NRG1: variants seen among roughly 807,000 people sequenced by gnomAD.
NRG1 encodes the protein pro-neuregulin-1, membrane-bound isoform.
NRG1 carries 18 observed loss-of-function variants against 63.8 expected under a neutral mutation model. The ratio of observed to expected loss-of-function variants is 0.28; its 90% CI spans 0.19 to 0.42. The LOEUF is 0.42. Among genes scored for constraint, NRG1 ranks in the 10% least tolerant of loss-of-function variants. NRG1 has a pLI of 1.00. For synonymous variants in NRG1, 302 were observed against 301.3 expected, an observed-to-expected ratio of 1.00 and a Z score of -0.02; for missense variants, 762 against 814.7, an observed-to-expected ratio of 0.94 and a Z score of 0.79.
intron 1 of NRG1, among the ~76,000 whole-genome samples, chr8:31,742,895 G>A (rs781352333): frequency 6.6e-6 from 1 of 151,980 alleles, no homozygotes; most frequent in Non-Finnish European, 1.5e-5. Context: ...AATGGCATAG[G>A]CCCGCTAACT....
chr8:31,853,396 G>T (rs1423193224), intron 1 of NRG1, among the ~76,000 whole-genome samples: 3 of 150,248 alleles, frequency 2.0e-5, no homozygotes, highest in African/African-American at 7.3e-5. Context: ...GTTCACTCAT[G>T]ATTTGGCTCT....
chr8:32,110,560 T>C lies in NRG1; in HGVS notation c.37+471129T>C, dbSNP rs80126751. On this transcript the variant is annotated intron_variant, in intron 1 of 10. Coordinates refer to the NRG1 transcript ENST00000519301. ...AAGGTGAGAATCTCTCCTTTCTTTT[T>C]CTAATGATGACCCTGAACAAGGCCG... 2.6e-3 allele frequency among the ~76,000 whole-genome samples: 399 copies of C among 152,296 alleles called. 2 individuals are homozygous for C. The highest frequency in any genetic ancestry group is 9.1e-3 in the African/African-American group (379 of 41,562).
At chr8:31,865,890 G>A (rs777676820) in intron 1 of NRG1, among the ~76,000 whole-genome samples, 4 of 152,150 alleles carry the variant, frequency 2.6e-5, no homozygotes, top group South Asian at 2.1e-4. Flanking sequence ...TATATATGTC[G>A]GGAAAAGAAA....
rs1294198048 is a variant in NRG1, at chr8:32,128,638, G to A, written c.38-467190G>A. The stretch of plus-strand genomic sequence containing the variant: ...CTTTCCCAAGGTGCAGGCTGCCCAT[G>A]TTTAGTCTTTCTCACTTTCCAATCC... On this transcript the variant is annotated intron_variant, in intron 1 of 10. Coordinates refer to the NRG1 transcript ENST00000519301. Among the ~76,000 whole-genome samples the A allele has an allele frequency of 3.9e-5, 6 of 152,020 alleles. No homozygotes were observed. The East Asian group carries it at 1.2e-3, about 30-fold the overall frequency.
chr8:32,686,010 A>T (rs565181657), intron 5 of NRG1, among the ~76,000 whole-genome samples: 1 of 152,344 alleles, frequency 6.6e-6, no homozygotes, highest in East Asian at 1.9e-4. Context: ...TCCAGAAAAG[A>T]TTTATTATAA....
chr8:32,176,417 A>G (rs1314151494), intron 1 of NRG1, among the ~76,000 whole-genome samples: 3 of 152,132 alleles, frequency 2.0e-5, no homozygotes, highest in African/African-American at 4.8e-5. Context: ...ATAGGCATGG[A>G]CAAGGACTTC....
At chr8:31,648,983 G>T (rs1804581527) in intron 1 of NRG1, among the ~76,000 whole-genome samples, 1 of 146,016 alleles carries the variant, frequency 6.8e-6, no homozygotes, top group Non-Finnish European at 1.5e-5. Flanking sequence ...TTTTGAGATG[G>T]CATCTCACTG....
intron 1 of NRG1, among the ~76,000 whole-genome samples, chr8:32,574,629 T>C (rs1189602827): frequency 1.3e-5 from 2 of 152,168 alleles, no homozygotes; most frequent in Non-Finnish European, 2.9e-5. Flanking sequence ...TCGCTCCTGC[T>C]TTCACCATGT....
In NRG1 at chr8:32,277,039, G is replaced by A. The variant is rs371670569; in HGVS notation, c.38-318789G>A. On this transcript the variant is annotated intron_variant, in intron 1 of 10. Coordinates refer to the NRG1 transcript ENST00000519301. The stretch of plus-strand genomic sequence containing the variant: ...TTGGTGAAAATCACATCTGATATGC[G>A]TGATTCCAGGAAGCTCATCTGCCTC... Among the ~76,000 whole-genome samples the A allele has an allele frequency of 2.8e-4, 42 of 152,294 alleles. 2 individuals are homozygous for A. In the East Asian group the frequency reaches 2.9e-3, roughly 11 times the overall value.
chr8:31,963,904 A>G (rs1805888962), intron 1 of NRG1, among the ~76,000 whole-genome samples: 1 of 152,198 alleles, frequency 6.6e-6, no homozygotes, highest in South Asian at 2.1e-4. Context: ...GAGGAAATTG[A>G]GATCAGGCTG....
intron 1 of NRG1, among the ~76,000 whole-genome samples, chr8:32,412,586 A>G (rs912242002): frequency 4.6e-5 from 7 of 151,626 alleles, no homozygotes; most frequent in Admixed American, 6.6e-5. Flanking sequence ...AGGCAATTTC[A>G]TGATTTGTGA....
intron 1 of NRG1, among the ~76,000 whole-genome samples, chr8:31,653,142 G>C (rs944520627): frequency 1.3e-5 from 2 of 150,954 alleles, no homozygotes; most frequent in Non-Finnish European, 2.9e-5. Flanking sequence ...TGGGTATTGG[G>C]ATTATTGATC....
intron 6 of NRG1, 70 bp from the exon 7 acceptor site, chr8:32,741,938 G>T: frequency 8.6e-7 from 1 of 1,166,082 alleles, no homozygotes; most frequent in South Asian, 1.2e-5. Flanking sequence ...TCCATAGGAG[G>T]AAAATTGCCA....
intron 5 of NRG1, among the ~76,000 whole-genome samples, chr8:32,692,986 G>C (rs1257616091): frequency 6.6e-6 from 1 of 152,136 alleles, no homozygotes; most frequent in Non-Finnish European, 1.5e-5. Flanking sequence ...AATTTTCATA[G>C]TCCTTCTGGA....
At position 32,614,511 on chromosome 8, in the gene NRG1, C is replaced by T. The variant is rs550163618; in HGVS notation, c.401-3C>T. On this transcript the variant is annotated splice_polypyrimidine_tract_variant and splice_region_variant and intron_variant, in intron 3 of 11. Coordinates refer to ENST00000356819, the Ensembl canonical transcript of NRG1. Reference sequence around the variant, plus strand: ...ATAATGTCCTATCACCTTTTTTTTTCAGAGATCATCACTGGTATGCCAGCC... The same window carrying T: ...ATAATGTCCTATCACCTTTTTTTTTTAGAGATCATCACTGGTATGCCAGCC... 8 of 1,608,592 alleles carry T rather than the reference C, an allele frequency of 5.0e-6. No individual in the cohort carries two copies. In the East Asian group the frequency reaches 1.8e-4, roughly 36 times the overall value.
intron 1 of NRG1, among the ~76,000 whole-genome samples, chr8:32,368,690 T>A (rs546097911): frequency 6.6e-6 from 1 of 152,358 alleles, no homozygotes; most frequent in Non-Finnish European, 1.5e-5. Context: ...TTGTATCTCC[T>A]GATTTTTTCC....
chr8:31,807,099 G>A (rs919983276), intron 1 of NRG1, among the ~76,000 whole-genome samples: 5 of 152,176 alleles, frequency 3.3e-5, no homozygotes, highest in African/African-American at 4.8e-5. Context: ...GCCACATTCT[G>A]AGTAGACACT....
intron 1 of NRG1, among the ~76,000 whole-genome samples, chr8:32,173,296 A>C (rs2132029190): frequency 1.3e-5 from 2 of 152,274 alleles, no homozygotes; most frequent in South Asian, 4.1e-4. Context: ...ATGCTGAGAG[A>C]TTTTGTCACC....
chr8:32,335,173 G>C (rs918225265), intron 1 of NRG1, among the ~76,000 whole-genome samples: 3 of 152,110 alleles, frequency 2.0e-5, no homozygotes, highest in African/African-American at 7.2e-5. Context: ...GATACCTCTG[G>C]CTCTAGGCAT....
Sources: allele counts gnomAD v4.1 joint callset (sites outside exome capture counted in the v4.1 genomes callset), GRCh38; gene constraint gnomAD v4.1.1; transcripts MANE v1.5; gene names NCBI Gene and HGNC (gene_info 2026-07-23, HGNC 2026-07-21).